Variants in PIK3C3 observed in about 807,000 individuals in gnomAD.
PIK3C3 encodes phosphatidylinositol 3-kinase catalytic subunit type 3.
A neutral mutation model predicts 126.1 loss-of-function variants in PIK3C3; 95 were observed. The ratio of observed to expected loss-of-function variants is 0.75; its 90% CI spans 0.64 to 0.89. The LOEUF (loss-of-function observed/expected upper bound fraction) is 0.89. Ranked by LOEUF, PIK3C3 falls within the 40% of genes least tolerant of loss-of-function variation. The pLI is 0.00. For missense variants in PIK3C3, 829 were observed against 1,063.2 expected (o/e 0.78, Z 3.06); for synonymous variants, 374 against 360.0 (o/e 1.04, Z -0.44).
chr18:42,038,756 A>G (rs1479133562), intron 17 of PIK3C3, 25 bp from the exon 18 acceptor site: 1 of 1,461,986 alleles, frequency 6.8e-7, no homozygotes, highest in Admixed American at 1.7e-5. Flanking sequence ...CATTTGGTTA[A>G]TATATTTTAC....
intron 20 of PIK3C3, among the ~76,000 whole-genome samples, chr18:42,048,646 C>G (rs1335527884): frequency 1.3e-5 from 2 of 152,064 alleles, no homozygotes; most frequent in African/African-American, 4.8e-5. Context: ...ATAATTATGC[C>G]ATTGCTTAAG....
intron 4 of PIK3C3, among the ~76,000 whole-genome samples, chr18:41,982,876 G>A (rs1471574899): frequency 2.6e-5 from 4 of 152,114 alleles, no homozygotes; most frequent in African/African-American, 7.2e-5. Flanking sequence ...ATTGTTCCAG[G>A]TTATTTAAGA....
At chr18:41,999,998 C>G (rs1279889257) in intron 9 of PIK3C3, among the ~76,000 whole-genome samples, 1 of 152,182 alleles carries the variant, frequency 6.6e-6, no homozygotes, top group Non-Finnish European at 1.5e-5. Context: ...TTCAATTTTA[C>G]TGGCGACAAG....
intron 24 of PIK3C3, among the ~76,000 whole-genome samples, 188 bp from the exon 25 acceptor site, chr18:42,080,935 G>A (rs1486721067): frequency 6.6e-6 from 1 of 152,116 alleles, no homozygotes; most frequent in Non-Finnish European, 1.5e-5. Context: ...CATATAAACT[G>A]ATTTTTAAGT....
intron 13 of PIK3C3, among the ~76,000 whole-genome samples, chr18:42,023,047 T>C (rs1017806801): frequency 6.6e-6 from 1 of 152,216 alleles, no homozygotes; most frequent in East Asian, 1.9e-4. Flanking sequence ...ATTTCAAAGC[T>C]TCTTAGGTAT....
chr18:42,066,816 A>G lies in PIK3C3; in HGVS notation c.2524-572A>G, dbSNP rs151156155. On this transcript the variant is annotated intron_variant, in intron 23 of 24. Coordinates refer to ENST00000262039, the MANE Select transcript of PIK3C3 (RefSeq NM_002647.4). ...AAAAATTATTTTATCTTTGGAAACG[A>G]TAGACCTATTGATGTAGTTTTGTGT... 2.3e-3 allele frequency among the ~76,000 whole-genome samples: 347 copies of G among 152,306 alleles called. 1 individual carries two copies. Among genetic ancestry groups the G allele is most frequent in the Non-Finnish European group, 4.0e-3 (270 of 68,028 alleles).
At chr18:42,011,807 T>C (rs182743481) in intron 10 of PIK3C3, among the ~76,000 whole-genome samples, 20 of 152,316 alleles carry the variant, frequency 1.3e-4, no homozygotes, top group African/African-American at 4.8e-4. Context: ...TTCCTTTTAC[T>C]TGAACACTTA....
intron 20 of PIK3C3, among the ~76,000 whole-genome samples, chr18:42,048,166 A>G (rs1984639113): frequency 6.6e-6 from 1 of 152,224 alleles, no homozygotes; most frequent in Non-Finnish European, 1.5e-5. Context: ...ATGTACCTAT[A>G]GTGATTTAAT....
In PIK3C3 at chr18:42,083,236, A is replaced by G. The variant is rs148243814; in HGVS notation, c.*2099A>G. On this transcript the variant is annotated 3_prime_UTR_variant, in exon 25 of 25. Transcript: ENST00000262039. ...CATTGTTTTTACTCTTTAGAGCTCTATCCTCAGAGTGTAGTCTGCATATTT... is the reference window on the plus strand; with the variant it reads ...CATTGTTTTTACTCTTTAGAGCTCTGTCCTCAGAGTGTAGTCTGCATATTT... 4 of 152,250 alleles carry G rather than the reference A, an allele frequency of 2.6e-5. No individual in the cohort carries two copies. In the East Asian group the frequency reaches 7.7e-4, roughly 29 times the overall value. 9.4% of individuals were successfully genotyped at this position (152,250 alleles called of 1,614,324 possible).
intron 7 of PIK3C3, among the ~76,000 whole-genome samples, chr18:41,994,828 A>G (rs1383106936): frequency 6.6e-6 from 1 of 152,118 alleles, no homozygotes; most frequent in Admixed American, 6.6e-5. Context: ...ACTTGAGCCC[A>G]TGAATTCTAG....
chr18:41,992,328 C>G (rs1981819039), intron 6 of PIK3C3, among the ~76,000 whole-genome samples: 1 of 152,128 alleles, frequency 6.6e-6, no homozygotes, highest in Non-Finnish European at 1.5e-5. Flanking sequence ...GGTGTTGTGA[C>G]TGAGAACAAG....
intron 3 of PIK3C3, among the ~76,000 whole-genome samples, chr18:41,962,930 A>G (rs1027740425): frequency 8.5e-5 from 13 of 152,212 alleles, no homozygotes; most frequent in African/African-American, 2.9e-4. Context: ...ACTATGACAT[A>G]TAACTGCTTT....
intron 20 of PIK3C3, among the ~76,000 whole-genome samples, chr18:42,046,794 G>C (rs1347252433): frequency 6.6e-6 from 1 of 152,012 alleles, no homozygotes; most frequent in Non-Finnish European, 1.5e-5. Flanking sequence ...GTGCCCTACT[G>C]AGTATTGACA....
intron 3 of PIK3C3, among the ~76,000 whole-genome samples, chr18:41,969,988 C>T (rs2144311034): frequency 6.6e-6 from 1 of 152,240 alleles, no homozygotes; most frequent in African/African-American, 2.4e-5. Context: ...TGGCATTCTT[C>T]AGTTGGTTAG....
intron 4 of PIK3C3, among the ~76,000 whole-genome samples, chr18:41,987,260 T>C (rs1192003479): frequency 6.6e-6 from 1 of 152,104 alleles, no homozygotes; most frequent in Admixed American, 6.6e-5. Context: ...GATTGGTATG[T>C]AAGACCTCAC....
At chr18:42,017,406 A>T (rs988236198) in intron 12 of PIK3C3, among the ~76,000 whole-genome samples, 1 of 152,142 alleles carries the variant, frequency 6.6e-6, no homozygotes, top group African/African-American at 2.4e-5. Context: ...TCCATGGGTC[A>T]TGAGAAGAAG....
chr18:42,032,472 G>C (rs1379511821), intron 15 of PIK3C3, among the ~76,000 whole-genome samples: 1 of 152,048 alleles, frequency 6.6e-6, no homozygotes, highest in Admixed American at 6.6e-5. Context: ...AACTGTAGGA[G>C]GGTGAAAAGT....
intron 3 of PIK3C3, among the ~76,000 whole-genome samples, chr18:41,964,903 G>A (rs141849528): frequency 9.9e-4 from 151 of 152,128 alleles, no homozygotes; most frequent in African/African-American, 3.5e-3. Flanking sequence ...AAATACCTAG[G>A]TATTTTAGTT....
In PIK3C3 at chr18:42,043,803, A is replaced by C; in HGVS notation, c.2174A>C (p.Tyr725Ser). ...ATTAGTGCTGAGGTCATGGACACTT[A>C]CGTTAAAAGCTGTGGTAAGTTTTTC... ...NGISAEVMDT[Y>S]VKSCAGYCVI... The change falls in exon 20 of 25, where the codon TAC (tyrosine) becomes TCC (serine). Residue 725 changes from tyrosine to serine, a missense_variant. Tyr to Ser is a moderately radical substitution (Grantham distance 144). Transcript: ENST00000262039. 6.2e-7 allele frequency: 1 copy of C among 1,611,900 alleles called. No individual in the cohort carries two copies. Among genetic ancestry groups the C allele is most frequent in the Non-Finnish European group, 8.5e-7 (1 of 1,178,162 alleles).
Sources: gnomAD v4.1 joint callset for allele counts (sites outside exome capture counted in the v4.1 genomes callset) on GRCh38, gnomAD v4.1.1 for gene constraint, MANE v1.5 for transcripts, NCBI Gene and HGNC (gene_info 2026-07-23, HGNC 2026-07-21) for gene names.